FARP1: variants seen among roughly 807,000 people sequenced by gnomAD.
FARP1 encodes the protein FERM, ARH/RhoGEF and pleckstrin domain protein 1, also known as FERM, ARHGEF and pleckstrin domain-containing protein 1.
FARP1 carries 52 observed loss-of-function variants against 128.8 expected under a neutral mutation model. That is an observed-to-expected ratio of 0.40 (90% CI 0.32 to 0.51). The LOEUF is 0.51. FARP1 is among the 20% of genes least tolerant of loss of function. FARP1 has a pLI of 0.45. For missense variants in FARP1, 1,333 were observed against 1,367.9 expected, an observed-to-expected ratio of 0.97 and a Z score of 0.40; for synonymous variants, 580 against 551.8, an observed-to-expected ratio of 1.05 and a Z score of -0.72.
At chr13:98,415,565 A>T (rs1254588997) in intron 16 of FARP1, among the ~76,000 whole-genome samples, 1 of 152,202 alleles carries the variant, frequency 6.6e-6, no homozygotes, top group Non-Finnish European at 1.5e-5. Context: ...GTGTCCTCTC[A>T]CAGGTGTGGG....
Position 98,369,353 on chromosome 13 carries a change from C to CTT in FARP1, c.398+1175_398+1176dup, listed in dbSNP as rs35605642. Among the ~76,000 whole-genome samples the CTT allele has an allele frequency of 1.9e-3, 267 of 139,112 alleles. 3 individuals are homozygous for CTT. The highest frequency in any genetic ancestry group is 6.0e-3 in the South Asian group (25 of 4,188). The allele number at this position is 139,112 out of a possible 152,430, so 91.3% of individuals were successfully genotyped here. ...GGACACTAATCTAACCAGCCTAATT[C>CTT]TTTTTTTTTTTTTTTTTTATCATTA... On this transcript the variant is annotated intron_variant, in intron 5 of 26. Coordinates refer to ENST00000319562, the MANE Select transcript of FARP1 (RefSeq NM_005766.4).
chr13:98,361,516 G>C (rs17568726), intron 3 of FARP1, among the ~76,000 whole-genome samples: 28,985 of 152,138 alleles, frequency 0.19, 2,909 homozygotes, highest in East Asian at 0.34. Flanking sequence ...GGCTGGTTCT[G>C]TGGCCACCCT....
In FARP1 at chr13:98,409,469, C is replaced by T. The variant is rs746436281; in HGVS notation, c.1546C>T (p.Leu516=). 3 of 1,614,054 alleles carry T rather than the reference C, an allele frequency of 1.9e-6. No individual in the cohort carries two copies. Among genetic ancestry groups the T allele is most frequent in the South Asian group, 1.1e-5 (1 of 91,062 alleles). The change falls in exon 14 of 27, where the codon CTG becomes TTG. Residue 516 remains leucine (L), a synonymous_variant. Coordinates refer to ENST00000319562, the MANE Select transcript of FARP1 (RefSeq NM_005766.4). ...GCAGGCCTCTCCCTTGATCAGCCCG[C>T]TGCTGAATGACCAGGCCTGCCCCCG... ...TKQASPLISP[L]LNDQACPRTD... is the part of the protein sequence containing the mutation.
chr13:98,213,533 C>T lies in FARP1; in HGVS notation c.171+120C>T. 3.0e-6 allele frequency: 3 copies of T among 991,260 alleles called. No homozygotes were observed. The East Asian group carries it at 7.7e-5, about 26-fold the overall frequency. The allele number at this position is 991,260 out of a possible 1,614,324, so 61.4% of individuals were successfully genotyped here. A position where few individuals can be genotyped will look rare whatever the true frequency, so the allele number is the denominator to read the frequency against. On this transcript the variant is annotated intron_variant, in intron 2 of 26. Coordinates refer to ENST00000319562, the MANE Select transcript of FARP1 (RefSeq NM_005766.4). ...GCGGCTGGAGGTCCTGCATGTTCAG[C>T]ACCTCCCTCCCCGCCCCCCAATGGC...
intron 2 of FARP1, among the ~76,000 whole-genome samples, chr13:98,249,501 A>C (rs914402372): frequency 6.6e-6 from 1 of 152,180 alleles, no homozygotes; most frequent in Non-Finnish European, 1.5e-5. Flanking sequence ...TACATCATTA[A>C]AAAGAACTTC....
rs746373395 is a variant in FARP1, at chr13:98,295,046, T to TACAC, written c.172-48660_172-48657dup. 2.5e-3 allele frequency among the ~76,000 whole-genome samples: 272 copies of TACAC among 108,376 alleles called. 1 individual carries two copies. Among genetic ancestry groups the TACAC allele is most frequent in the Non-Finnish European group, 3.6e-3 (202 of 55,376 alleles). The allele number at this position is 108,376 out of a possible 152,430, so 71.1% of individuals were successfully genotyped here. ...AAAAAAAAATTATATATATATATAT[T>TACAC]ACACACACACACACACACACACACA... On this transcript the variant is annotated intron_variant, in intron 2 of 26. Transcript: ENST00000319562.
intron 2 of FARP1, among the ~76,000 whole-genome samples, chr13:98,215,601 T>C (rs1427174822): frequency 6.6e-6 from 1 of 152,208 alleles, no homozygotes; most frequent in Non-Finnish European, 1.5e-5. Flanking sequence ...CTTAACTAAA[T>C]AGTAGTAATG....
intron 13 of FARP1, chr13:98,396,997 C>G (rs1890575640): frequency 6.6e-6 from 1 of 152,408 alleles, no homozygotes; most frequent in African/African-American, 2.4e-5. Flanking sequence ...TATTCAAGGC[C>G]AAATGTAAAT....
At chr13:98,376,184 A>G (rs1473535801) in intron 5 of FARP1, among the ~76,000 whole-genome samples, 1 of 152,142 alleles carries the variant, frequency 6.6e-6, no homozygotes, top group Non-Finnish European at 1.5e-5. Context: ...GTAAATTATT[A>G]TTGACTGTAG....
chr13:98,447,121 A>G (rs551409239), intron 26 of FARP1: 10 of 315,474 alleles, frequency 3.2e-5, no homozygotes, highest in Admixed American at 9.1e-5. Flanking sequence ...GACTGCCTAC[A>G]TGGTGTAATG....
intron 2 of FARP1, among the ~76,000 whole-genome samples, chr13:98,309,492 T>C (rs1886355569): frequency 6.6e-6 from 1 of 152,170 alleles, no homozygotes; most frequent in Non-Finnish European, 1.5e-5. Flanking sequence ...TTAAACTTTT[T>C]AAAATATGGC....
chr13:98,313,666 C>T (rs1336985883), intron 2 of FARP1, among the ~76,000 whole-genome samples: 5 of 152,218 alleles, frequency 3.3e-5, no homozygotes. Context: ...TAAGGCTCCC[C>T]TCGCAGCCCC....
intron 13 of FARP1, chr13:98,404,879 A>G (rs1314831340): frequency 6.6e-6 from 1 of 152,226 alleles, no homozygotes; most frequent in African/African-American, 2.4e-5. Context: ...TTCAATAAGC[A>G]TATCTTGGAT....
At chr13:98,153,734 T>C (rs1473869044) in intron 1 of FARP1, among the ~76,000 whole-genome samples, 1 of 151,536 alleles carries the variant, frequency 6.6e-6, no homozygotes, top group East Asian at 1.9e-4. Context: ...TGGTGAATTT[T>C]TGTATTTTTA....
intron 2 of FARP1, among the ~76,000 whole-genome samples, chr13:98,230,038 C>A (rs1165805965): frequency 6.6e-6 from 1 of 152,180 alleles, no homozygotes; most frequent in African/African-American, 2.4e-5. Context: ...CTGATGGTCA[C>A]TGGTCGTGCC....
intron 2 of FARP1, among the ~76,000 whole-genome samples, chr13:98,256,957 A>AGGG (rs1883636792): frequency 2.4e-5 from 2 of 83,860 alleles, no homozygotes; most frequent in Non-Finnish European, 4.3e-5. Context: ...GGATATATAT[A>AGGG]TATATATATA....
intron 1 of FARP1, among the ~76,000 whole-genome samples, chr13:98,196,289 A>G (rs921718999): frequency 7.9e-5 from 12 of 152,066 alleles, no homozygotes; most frequent in South Asian, 4.1e-4. Flanking sequence ...TTGGCATGGG[A>G]GTTGAGACCA....
chr13:98,308,033 C>CTT (rs10536692), intron 2 of FARP1, among the ~76,000 whole-genome samples: 460 of 16,690 alleles, frequency 0.028, 6 homozygotes, highest in Non-Finnish European at 0.049. Flanking sequence ...CACTCTCTCT[C>CTT]TTTTTTTTTT....
chr13:98,311,845 G>GT (rs1886473806), intron 2 of FARP1, among the ~76,000 whole-genome samples: 1 of 95,752 alleles, frequency 1.0e-5, no homozygotes, highest in Non-Finnish European at 2.7e-5. Context: ...TTTTTTTGTT[G>GT]TTTTTTGTTT....
Sources: allele counts gnomAD v4.1 joint callset (sites outside exome capture counted in the v4.1 genomes callset), GRCh38; gene constraint gnomAD v4.1.1; transcripts MANE v1.5; gene names NCBI Gene and HGNC (gene_info 2026-07-23, HGNC 2026-07-21).